EVC: variants seen among roughly 807,000 people sequenced by gnomAD.
The protein encoded by EVC is evC complex member EVC.
In EVC, 116 loss-of-function variants were observed where a neutral mutation model predicts 118.9. The ratio of observed to expected loss-of-function variants is 0.98; its 90% CI spans 0.84 to 1.14. The LOEUF (loss-of-function observed/expected upper bound fraction) is 1.14, where lower values mean the gene tolerates loss of function less well. EVC is among the 50% of genes most tolerant of loss of function. EVC has a pLI of 0.00. For synonymous variants in EVC, 619 were observed against 534.7 expected, an observed-to-expected ratio of 1.16 and a Z score of -2.18; for missense variants, 1,401 against 1,246.4, an observed-to-expected ratio of 1.12 and a Z score of -1.87.
Position 5,745,281 on chromosome 4 carries a change from C to T in EVC, c.879C>T (p.Tyr293=). The T allele has an allele frequency of 3.7e-6, 6 of 1,613,926 alleles. No homozygotes were observed. Among genetic ancestry groups the T allele is most frequent in the Non-Finnish European group, 5.1e-6 (6 of 1,179,878 alleles). ...TEMSGAGDSE[Y]ITLADVEKKE... ...TGTCGGGGGCTGGTGACTCTGAGTA[C>T]ATCACCCTGGCTGATGTGGAAAAGA... is the stretch of plus-strand genomic sequence containing the variant. Residue 293 remains tyrosine (Y), a synonymous_variant, in exon 7 of 21, where the codon TAC becomes TAT. Transcript: ENST00000264956.
rs1366502749 is a variant in EVC at position 5,804,970 on chromosome 4, T to G, written c.2561+129T>G. 3.8e-6 allele frequency: 3 copies of G among 795,468 alleles called. No homozygotes were observed. In the South Asian group the frequency reaches 4.4e-5, roughly 12 times the overall value. 49.3% of individuals were successfully genotyped at this position (795,468 alleles called of 1,614,324 possible). A position where few individuals can be genotyped will look rare whatever the true frequency, so the allele number is the denominator to read the frequency against. On this transcript the variant is annotated intron_variant, in intron 17 of 20. Transcript: ENST00000264956. Reference sequence around the variant, plus strand: ...TGGACTTGGGGGCCATCGGCCTTCCTCACCCGCTGCCTCTGTCCTGGTCTC... The same window carrying G: ...TGGACTTGGGGGCCATCGGCCTTCCGCACCCGCTGCCTCTGTCCTGGTCTC...
intron 1 of EVC, among the ~76,000 whole-genome samples, chr4:5,715,329 A>T (rs1179753342): frequency 1.3e-5 from 2 of 152,232 alleles, no homozygotes; most frequent in African/African-American, 4.8e-5. Flanking sequence ...GACCAGCAGC[A>T]TCAATATCTT....
At chr4:5,822,469 C>G in the EVC span, among the ~76,000 whole-genome samples, 1 of 149,994 alleles carries the variant, frequency 6.7e-6, no homozygotes, top group African/African-American at 2.5e-5. Context: ...ATTTACTTCC[C>G]TCATTGGCGA....
intron 6 of EVC, among the ~76,000 whole-genome samples, chr4:5,744,858 G>A (rs1044871398): frequency 6.6e-6 from 1 of 152,124 alleles, no homozygotes; most frequent in African/African-American, 2.4e-5. Flanking sequence ...AGGAAAACCA[G>A]AAGAGGAGCA....
the EVC span, among the ~76,000 whole-genome samples, chr4:5,823,846 G>C: frequency 1.1e-4 from 16 of 152,310 alleles, no homozygotes; most frequent in Middle Eastern, 3.4e-3. Flanking sequence ...AATGTAAATG[G>C]ACGAAAACAG....
At chr4:5,824,399 G>T in the EVC span, 2 of 985,308 alleles carry the variant, frequency 2.0e-6, no homozygotes, top group Non-Finnish European at 2.4e-6. Context: ...CTTGATTCAT[G>T]CCTCCTCGGC....
chr4:5,783,843 G>A, intron 12 of EVC, 79 bp downstream of exon 12: 1 of 1,323,488 alleles, frequency 7.6e-7, no homozygotes, highest in Non-Finnish European at 1.1e-6. Context: ...CTCACGTCCT[G>A]AACACCCACT....
chr4:5,809,133 A>G (rs1265537820), intron 18 of EVC, among the ~76,000 whole-genome samples: 3 of 152,226 alleles, frequency 2.0e-5, no homozygotes, highest in Non-Finnish European at 4.4e-5. Context: ...TTAATGCATC[A>G]TGGAATTCTG....
chr4:5,790,420 A>G (rs987442730), intron 12 of EVC, among the ~76,000 whole-genome samples: 2 of 152,172 alleles, frequency 1.3e-5, no homozygotes, highest in African/African-American at 4.8e-5. Flanking sequence ...TCTGTGTTTA[A>G]TCTGCATTCC....
At chr4:5,799,281 T>C (rs1366903533) in intron 15 of EVC, among the ~76,000 whole-genome samples, 6 of 152,236 alleles carry the variant, frequency 3.9e-5, no homozygotes, top group Non-Finnish European at 5.9e-5. Context: ...TAACTCCTTA[T>C]ACTGACAATA....
At chr4:5,788,438 C>T (rs114586360) in intron 12 of EVC, among the ~76,000 whole-genome samples, 2 of 151,988 alleles carry the variant, frequency 1.3e-5, no homozygotes, top group Admixed American at 6.6e-5. Flanking sequence ...TTTACATGCT[C>T]AGCTCAGGAT....
chr4:5,788,037 A>G (rs1577580744), intron 12 of EVC, among the ~76,000 whole-genome samples: 2 of 151,790 alleles, frequency 1.3e-5, no homozygotes, highest in East Asian at 3.9e-4. Context: ...GCCCCTTCCC[A>G]GCTCCTTAAT....
downstream of EVC, among the ~76,000 whole-genome samples, chr4:5,818,465 T>C (rs73206218): frequency 0.017 from 2,614 of 152,296 alleles, 35 homozygotes; most frequent in South Asian, 0.042. Flanking sequence ...AAGAGACTTA[T>C]GTTGAAACTT....
intron 11 of EVC, among the ~76,000 whole-genome samples, chr4:5,759,270 C>CTG (rs71171477): frequency 0.7 from 106,431 of 151,940 alleles, 38,000 homozygotes; most frequent in African/African-American, 0.84. Context: ...CTGCAGATAA[C>CTG]TGCTTGAAAG....
Position 5,731,580 on chromosome 4 carries a change from G to T in EVC, c.540G>T (p.Ser180=). 6.2e-7 allele frequency: 1 copy of T among 1,614,100 alleles called. No homozygotes were observed. The highest frequency in any genetic ancestry group is 8.5e-7 in the Non-Finnish European group (1 of 1,180,028). ...GCAGCTCCTCATCCAGCGTCCACTC[G>T]GCCACCAGCGATGACAGGTTTCTCA... is the stretch of plus-strand genomic sequence containing the variant. ...DDCSSSSSVH[S]ATSDDRFLSR... Residue 180 remains serine (S), a synonymous_variant, in exon 4 of 21, where the codon TCG becomes TCT. Transcript: ENST00000264956. The surrounding 1 kb of genome is among the most constrained non-coding windows in gnomAD (Gnocchi z 5.6).
chr4:5,803,226 G>A (rs1715323057), intron 16 of EVC, among the ~76,000 whole-genome samples: 1 of 152,198 alleles, frequency 6.6e-6, no homozygotes, highest in Non-Finnish European at 1.5e-5. Flanking sequence ...CCACTTCTCT[G>A]ATGGGCTTTG....
rs115205999 is a variant in EVC, at chr4:5,781,026, G to T, written c.1564-2526G>T. On this transcript the variant is annotated intron_variant, in intron 11 of 20. Transcript: ENST00000264956. Reference sequence around the variant, plus strand: ...GAGCTTAGAGTCCAGGGATTCTGTTGGGATCAGTCATACGGGCACATCTCC... The same window carrying T: ...GAGCTTAGAGTCCAGGGATTCTGTTTGGATCAGTCATACGGGCACATCTCC... Among the ~76,000 whole-genome samples the T allele has an allele frequency of 3.9e-3, 587 of 152,276 alleles. 3 individuals are homozygous for T. The highest frequency in any genetic ancestry group is 0.014 in the African/African-American group (565 of 41,542).
chr4:5,731,253 T>C lies in EVC; in HGVS notation c.385-172T>C, dbSNP rs1209082293. The stretch of plus-strand genomic sequence containing the variant: ...GTGATTCGGGCCTCTGGGCTGTCGA[T>C]GTGGCAGAACCTGGGACGGAAACTC... On this transcript the variant is annotated intron_variant, in intron 3 of 20. Coordinates refer to ENST00000264956, the MANE Select transcript of EVC (RefSeq NM_153717.3). This position sits in a 1 kb window ranked among gnomAD's most constrained non-coding sequence, Gnocchi z 5.6. Among the ~76,000 whole-genome samples, 1 of 151,908 alleles carries C rather than the reference T, an allele frequency of 6.6e-6. No individual in the cohort carries two copies. The highest frequency in any genetic ancestry group is 1.5e-5 in the Non-Finnish European group (1 of 67,958).
At chr4:5,794,545 G>C (rs1459356266) in intron 13 of EVC, among the ~76,000 whole-genome samples, 1 of 151,012 alleles carries the variant, frequency 6.6e-6, no homozygotes, top group Non-Finnish European at 1.5e-5. Flanking sequence ...CGAGTAGCTG[G>C]GATTACAGGT....
Sources: allele counts gnomAD v4.1 joint callset (sites outside exome capture counted in the v4.1 genomes callset), GRCh38; gene constraint gnomAD v4.1.1; non-coding constraint Gnocchi (gnomAD v3.1); transcripts MANE v1.5; gene names NCBI Gene and HGNC (gene_info 2026-07-23, HGNC 2026-07-21).